The following LPIN1 variants were observed in gnomAD, a reference collection of about 807,000 sequenced individuals.
LPIN1 encodes the protein lipin 1, also known as phosphatidate phosphatase LPIN1.
Under a neutral mutation model 107.5 loss-of-function variants are expected in LPIN1, and 71 were observed. That is an observed-to-expected ratio of 0.66 (90% confidence interval 0.55 to 0.80). The LOEUF (loss-of-function observed/expected upper bound fraction) is 0.80. Among genes scored for constraint, LPIN1 ranks in the 30% least tolerant of loss-of-function variants. The pLI is 0.00. For missense variants in LPIN1, 1,043 were observed against 1,160.6 expected (o/e 0.90, Z 1.47); for synonymous variants, 445 against 452.6 (o/e 0.98, Z 0.21).
At position 11,692,369 on chromosome 2, in the gene LPIN1, C is replaced by G. The variant is rs1268872883; in HGVS notation, c.81+14641C>G. 3.9e-5 allele frequency among the ~76,000 whole-genome samples: 6 copies of G among 152,116 alleles called. No individual in the cohort carries two copies. The East Asian group carries it at 1.2e-3, about 29-fold the overall frequency. On this transcript the variant is annotated intron_variant, in intron 1 of 21. Transcript: ENST00000449576. ...AGTAAGTCACTCTGCACTTGGGTGG[C>G]GTCATCTATAAAATGGGTTGCTGTG...
At chr2:11,698,739 C>T (rs796236904) in intron 1 of LPIN1, among the ~76,000 whole-genome samples, 27 of 152,310 alleles carry the variant, frequency 1.8e-4, no homozygotes, top group Admixed American at 8.5e-4. Context: ...GTATTTTGGA[C>T]GAGGTCAGGG....
chr2:11,741,103 C>G, intron 1 of LPIN1: 1 of 351,336 alleles, frequency 2.8e-6, no homozygotes, highest in Non-Finnish European at 5.1e-6. Flanking sequence ...GCAGGACGGC[C>G]TTCACAGCAG....
intron 1 of LPIN1, among the ~76,000 whole-genome samples, chr2:11,701,839 C>G (rs746477075): frequency 2.0e-5 from 3 of 152,138 alleles, no homozygotes; most frequent in African/African-American, 7.2e-5. Flanking sequence ...TGGGTGTAGC[C>G]GGGGCTGCCA....
At chr2:11,712,199 G>A (rs900775770) in intron 1 of LPIN1, among the ~76,000 whole-genome samples, 5 of 152,178 alleles carry the variant, frequency 3.3e-5, no homozygotes, top group Non-Finnish European at 5.9e-5. Flanking sequence ...GAGGGGCACC[G>A]TGCTGTTCCC....
At chr2:11,758,273 G>T (rs570089067) in intron 1 of LPIN1, among the ~76,000 whole-genome samples, 1,572 of 147,570 alleles carry the variant, frequency 0.011, 27 homozygotes, top group African/African-American at 0.038. Flanking sequence ...TTTTTTTTTT[G>T]ATATATACCC....
chr2:11,817,559 G>A (rs1680777408), intron 18 of LPIN1: 1 of 152,130 alleles, frequency 6.6e-6, no homozygotes, highest in Non-Finnish European at 1.5e-5. Context: ...GATTTATTTA[G>A]GTAGAATGAA....
chr2:11,708,514 A>T (rs1032433981), intron 1 of LPIN1, among the ~76,000 whole-genome samples: 1 of 152,122 alleles, frequency 6.6e-6, no homozygotes, highest in Non-Finnish European at 1.5e-5. Flanking sequence ...GCAGGAGTGG[A>T]TCATGCAGGG....
intron 1 of LPIN1, chr2:11,741,295 G>T: frequency 4.0e-6 from 5 of 1,255,824 alleles, no homozygotes; most frequent in South Asian, 2.8e-5. Context: ...TTTCATTCTC[G>T]AGAGACACTG....
intron 3 of LPIN1, 91 bp downstream of exon 3, chr2:11,767,949 A>ATACC (rs1671198320): frequency 1.2e-6 from 1 of 857,552 alleles, no homozygotes; most frequent in Admixed American, 1.8e-5. Context: ...GTGCAAAGTA[A>ATACC]TACCGGCCGT....
intron 11 of LPIN1, 34 bp from the exon 12 acceptor site, chr2:11,788,353 G>A (rs765207313): frequency 9.0e-6 from 14 of 1,557,974 alleles, no homozygotes; most frequent in South Asian, 3.3e-5. Flanking sequence ...CTGAGCCTCG[G>A]TTTTTTGACA....
At chr2:11,796,926 G>A (rs961424958) in intron 14 of LPIN1, among the ~76,000 whole-genome samples, 1 of 152,216 alleles carries the variant, frequency 6.6e-6, no homozygotes, top group South Asian at 2.1e-4. Flanking sequence ...GGTAACCATT[G>A]GACCTTGGGG....
rs1375919317 is a variant in LPIN1, at chr2:11,765,041, TGTGATGGATCCTGATGGGCC to T, written c.-9-484_-9-465del. Among the ~76,000 whole-genome samples the T allele has an allele frequency of 1.3e-5, 2 of 150,490 alleles. No individual in the cohort carries two copies. The highest frequency in any genetic ancestry group is 4.9e-5 in the African/African-American group (2 of 40,792). ...TAGGCCGTGATGGGCCATGATGGGC[TGTGATGGATCCTGATGGGCC>T]GTGATGGGCTGTGATGGACCCTGGT... On this transcript the variant is annotated intron_variant, in intron 1 of 20. Transcript: ENST00000674199. This position sits in a 1 kb window ranked among gnomAD's most constrained non-coding sequence, Gnocchi z 4.4.
chr2:11,764,017 G>A (rs1670309442), intron 1 of LPIN1, among the ~76,000 whole-genome samples: 1 of 126,422 alleles, frequency 7.9e-6, no homozygotes, highest in Non-Finnish European at 1.6e-5. Flanking sequence ...TTGGAGATAG[G>A]GTCTTTTGTC....
In LPIN1 at chr2:11,803,278, C is replaced by T. The variant is rs1678105469; in HGVS notation, c.2013+245C>T. 6.6e-6 allele frequency among the ~76,000 whole-genome samples: 1 copy of T among 152,184 alleles called. No individual in the cohort carries two copies. The highest frequency in any genetic ancestry group is 2.1e-4 in the South Asian group (1 of 4,832). ...GCCTGGCCCTGGAGGATCTAGTTTA[C>T]TAGAGTTAGGAGGAAGGCAGCCTGG... On this transcript the variant is annotated intron_variant, in intron 15 of 20. Coordinates refer to ENST00000674199, the MANE Select transcript of LPIN1 (RefSeq NM_001349206.2). This position sits in a 1 kb window ranked among gnomAD's most constrained non-coding sequence, Gnocchi z 4.2.
At chr2:11,718,333 T>A (rs1170552763) in intron 2 of LPIN1, among the ~76,000 whole-genome samples, 1 of 152,144 alleles carries the variant, frequency 6.6e-6, no homozygotes, top group Non-Finnish European at 1.5e-5. Flanking sequence ...GTTCAAGTGA[T>A]TCACCTGCCT....
rs150030235 is a variant in LPIN1, at chr2:11,787,781, G to A, written c.1644-606G>A. Among the ~76,000 whole-genome samples the A allele has an allele frequency of 5.2e-3, 783 of 151,828 alleles. 6 individuals are homozygous for A. Among genetic ancestry groups the A allele is most frequent in the African/African-American group, 0.018 (728 of 41,438 alleles). ...ACGGTGAAACCCCGTCTCTACTAAA[G>A]ATACAAAAAATTAGCTGGGCGCGGT... On this transcript the variant is annotated intron_variant, in intron 11 of 20. Transcript: ENST00000674199.
chr2:11,747,768 G>A (rs770204374), intron 1 of LPIN1, among the ~76,000 whole-genome samples: 7 of 152,260 alleles, frequency 4.6e-5, no homozygotes, highest in Non-Finnish European at 1.0e-4. Flanking sequence ...GTTGAAAGGT[G>A]TAACAGTTGG....
chr2:11,746,557 C>CCCG, upstream of LPIN1: 1 of 711,094 alleles, frequency 1.4e-6, no homozygotes, highest in Non-Finnish European at 1.7e-6. Context: ...CCCCGCTTGC[C>CCCG]CCGCCCCTGC....
At chr2:11,761,463 T>C (rs1187150699) in intron 1 of LPIN1, among the ~76,000 whole-genome samples, 1 of 152,204 alleles carries the variant, frequency 6.6e-6, no homozygotes, top group African/African-American at 2.4e-5. Context: ...TGTTCCTCCT[T>C]GAGTGTGTTT....
Sources: gnomAD v4.1 joint callset for allele counts (sites outside exome capture counted in the v4.1 genomes callset) on GRCh38, gnomAD v4.1.1 for gene constraint, Gnocchi (gnomAD v3.1) non-coding constraint, MANE v1.5 for transcripts, NCBI Gene and HGNC (gene_info 2026-07-23, HGNC 2026-07-21) for gene names.